The following CRIM1 variants were observed in gnomAD, a reference collection of about 807,000 sequenced individuals.
The protein encoded by CRIM1 is cysteine rich transmembrane BMP regulator 1.
Under a neutral mutation model 116.4 loss-of-function variants are expected in CRIM1, and 32 were observed. That is an observed-to-expected ratio of 0.27 (90% CI 0.21 to 0.37). The LOEUF (loss-of-function observed/expected upper bound fraction) is 0.37. CRIM1 is among the 10% of genes least tolerant of loss of function. The probability of loss-of-function intolerance (pLI) is 1.00; values close to 1 mark genes in which losing one functional copy is unlikely to be tolerated. For missense variants in CRIM1, 1,331 were observed against 1,354.8 expected (o/e 0.98, Z 0.28); for synonymous variants, 590 against 509.2 (o/e 1.16, Z -2.13).
chr2:36,488,961 A>G (rs1288109396), intron 7 of CRIM1, among the ~76,000 whole-genome samples: 3 of 152,186 alleles, frequency 2.0e-5, no homozygotes, highest in Admixed American at 1.3e-4. Flanking sequence ...CTCGACCAGC[A>G]CCAGAACTCA....
intron 4 of CRIM1, among the ~76,000 whole-genome samples, chr2:36,455,168 G>A (rs1180923783): frequency 6.6e-6 from 1 of 152,174 alleles, no homozygotes; most frequent in Non-Finnish European, 1.5e-5. Flanking sequence ...AGAGTTCAGA[G>A]AGCTGTGGCT....
chr2:36,543,285 A>ACT (rs1169761718), intron 14 of CRIM1, among the ~76,000 whole-genome samples: 14 of 152,268 alleles, frequency 9.2e-5, no homozygotes, highest in African/African-American at 3.4e-4. Context: ...GAAGCTTAGC[A>ACT]AGTACTCTCT....
intron 12 of CRIM1, among the ~76,000 whole-genome samples, chr2:36,521,571 A>AT (rs1665393685): frequency 6.6e-6 from 1 of 152,192 alleles, no homozygotes; most frequent in Non-Finnish European, 1.5e-5. Flanking sequence ...TTCTCTTCTG[A>AT]TAGGGGTGTC....
intron 2 of CRIM1, among the ~76,000 whole-genome samples, chr2:36,410,096 G>A (rs981947252): frequency 1.3e-5 from 2 of 152,182 alleles, no homozygotes; most frequent in African/African-American, 4.8e-5. Context: ...GGTGACAGCA[G>A]TAAGTGGTGC....
intron 1 of CRIM1, chr2:36,369,144 C>T (rs929587712): frequency 4.6e-5 from 7 of 152,172 alleles, no homozygotes; most frequent in Admixed American, 2.6e-4. Flanking sequence ...ACTTTTAAAC[C>T]TCTGCGGCAG....
intron 9 of CRIM1, among the ~76,000 whole-genome samples, chr2:36,510,543 C>T (rs1221853357): frequency 6.6e-6 from 1 of 152,138 alleles, no homozygotes; most frequent in Non-Finnish European, 1.5e-5. Context: ...TGAAGACCGA[C>T]CCCCCACTCA....
intron 14 of CRIM1, among the ~76,000 whole-genome samples, chr2:36,543,437 T>C (rs1286877736): frequency 6.6e-6 from 1 of 152,242 alleles, no homozygotes; most frequent in Non-Finnish European, 1.5e-5. Flanking sequence ...CTGTATATTT[T>C]ATGTTGGTCT....
chr2:36,411,918 G>A (rs1316920698), intron 2 of CRIM1, among the ~76,000 whole-genome samples: 1 of 152,116 alleles, frequency 6.6e-6, no homozygotes, highest in Non-Finnish European at 1.5e-5. Context: ...TATTCAAACT[G>A]CTTCCATTTT....
At chr2:36,426,080 G>A (rs1674425740) in intron 2 of CRIM1, among the ~76,000 whole-genome samples, 1 of 152,168 alleles carries the variant, frequency 6.6e-6, no homozygotes, top group African/African-American at 2.4e-5. Flanking sequence ...GAGTGCAGAG[G>A]AATAACATGT....
chr2:36,548,461 G>A (rs1007205050), intron 16 of CRIM1, 64 bp from the exon 17 acceptor site: 5 of 1,276,582 alleles, frequency 3.9e-6, no homozygotes, highest in Admixed American at 2.5e-5. Context: ...CTAAATTTCT[G>A]TTCATTTGAG....
intron 2 of CRIM1, among the ~76,000 whole-genome samples, chr2:36,440,531 G>A (rs1478913046): frequency 2.6e-5 from 4 of 152,142 alleles, no homozygotes; most frequent in South Asian, 4.1e-4. Context: ...CTCCTCCATC[G>A]TAAAATCTGA....
chr2:36,532,925 C>A (rs1425181574), intron 13 of CRIM1, among the ~76,000 whole-genome samples: 3 of 152,148 alleles, frequency 2.0e-5, no homozygotes, highest in African/African-American at 7.2e-5. Context: ...TATCAAAGAA[C>A]AAAACTTAAT....
intron 7 of CRIM1, among the ~76,000 whole-genome samples, chr2:36,495,481 T>A (rs796274952): frequency 4.9e-4 from 72 of 146,826 alleles, no homozygotes; most frequent in South Asian, 6.5e-4. Flanking sequence ...ATTTATTTTT[T>A]TTTTTTTTTT....
chr2:36,538,002 C>A (rs987293470), intron 14 of CRIM1, among the ~76,000 whole-genome samples: 7 of 152,112 alleles, frequency 4.6e-5, no homozygotes, highest in Non-Finnish European at 1.0e-4. Context: ...TTTTTTACTT[C>A]ATCAGTTCCA....
chr2:36,509,994 T>C lies in CRIM1; in HGVS notation c.1513T>C (p.Cys505Arg). ...CTGTGTCTTCACAGCCGAGGAACTATGTTCAGAACGTAAACAAGGCTGCAC... is the reference window on the plus strand; with the variant it reads ...CTGTGTCTTCACAGCCGAGGAACTACGTTCAGAACGTAAACAAGGCTGCAC... ...TCQCINTEEL[C>R]SERKQGCTLN... Residue 505 changes from cysteine to arginine, a missense_variant, in exon 9 of 17, where the codon TGT becomes CGT. Cys to Arg is a radical substitution (Grantham distance 180). Around this residue, in one of 3 missense-constraint regions of CRIM1, gnomAD observed 690 missense variants for 676.0 expected, o/e 1.02. Coordinates refer to ENST00000280527, the MANE Select transcript of CRIM1 (RefSeq NM_016441.3). 1.2e-6 allele frequency: 2 copies of C among 1,613,960 alleles called. No homozygotes were observed. The highest frequency in any genetic ancestry group is 4.5e-5 in the East Asian group (2 of 44,882).
chr2:36,512,153 G>A (rs1197995115), intron 9 of CRIM1, 120 bp from the exon 10 acceptor site: 4 of 1,224,954 alleles, frequency 3.3e-6, no homozygotes, highest in African/African-American at 3.0e-5. Flanking sequence ...ATCTTTGAGA[G>A]CAAAAGTCAA....
rs533010603 is a variant in CRIM1, at chr2:36,417,116, C to T, written c.505+20329C>T. Among the ~76,000 whole-genome samples the T allele has an allele frequency of 7.9e-5, 12 of 152,312 alleles. No individual in the cohort carries two copies. The South Asian group carries it at 2.3e-3, about 29-fold the overall frequency. On this transcript the variant is annotated intron_variant, in intron 2 of 16. Transcript: ENST00000280527. ...CAGAAGGCTGTCATTCTGCATGGTG[C>T]AGATGTTGCAGTCCTTCCCTTATTC...
At chr2:36,369,613 T>G (rs1390052297) in intron 1 of CRIM1, among the ~76,000 whole-genome samples, 1 of 152,164 alleles carries the variant, frequency 6.6e-6, no homozygotes, top group Non-Finnish European at 1.5e-5. Flanking sequence ...TATAGGAACA[T>G]ATGAAATGTT....
chr2:36,547,339 C>G (rs780514453), intron 16 of CRIM1, among the ~76,000 whole-genome samples, 168 bp downstream of exon 16: 32 of 152,106 alleles, frequency 2.1e-4, no homozygotes, highest in Non-Finnish European at 3.7e-4. Flanking sequence ...TAGTACTTGC[C>G]CAGGGCTGGA....
Sources: allele counts gnomAD v4.1 joint callset (sites outside exome capture counted in the v4.1 genomes callset), GRCh38; gene constraint gnomAD v4.1.1; regional missense constraint gnomAD v4.1.1; transcripts MANE v1.5; gene names NCBI Gene and HGNC (gene_info 2026-07-23, HGNC 2026-07-21).